KHDRBS3: variants seen among roughly 807,000 people sequenced by gnomAD.
KHDRBS3 encodes KH domain-containing, RNA-binding, signal transduction-associated protein 3.
In KHDRBS3, 23 loss-of-function variants were observed where a neutral mutation model predicts 45.6. The observed-to-expected ratio is 0.50, with a 90% CI of 0.36 to 0.72. The LOEUF (loss-of-function observed/expected upper bound fraction) is 0.72. Ranked by LOEUF, KHDRBS3 falls within the 30% of genes least tolerant of loss-of-function variation. KHDRBS3 has a pLI of 0.00. For missense variants in KHDRBS3, 352 were observed against 424.8 expected (o/e 0.83, Z 1.51); for synonymous variants, 162 against 156.5 (o/e 1.04, Z -0.26).
intron 3 of KHDRBS3, among the ~76,000 whole-genome samples, 199 bp from the exon 4 acceptor site, chr8:135,548,555 A>T (rs528574392): frequency 1.3e-5 from 2 of 152,266 alleles, no homozygotes; most frequent in African/African-American, 4.8e-5. Context: ...GAAGCCTTTG[A>T]GTGTGTGTAA....
intron 7 of KHDRBS3, among the ~76,000 whole-genome samples, chr8:135,638,296 G>T (rs1170033940): frequency 6.6e-6 from 1 of 152,110 alleles, no homozygotes; most frequent in Non-Finnish European, 1.5e-5. Context: ...CCAAACCTCG[G>T]GTAGTCCCAC....
chr8:135,581,994 C>G lies in KHDRBS3; in HGVS notation c.728C>G (p.Thr243Ser). ...GPVSRGRGLL[T>S]PRARGVPPTG... ...GTGAGTCGGGGAAGAGGACTTCTCA[C>G]TCCCAGAGCAAGAGGAGTCCCCCCA... The change falls in exon 6 of 9, where the codon ACT becomes AGT. Residue 243 changes from threonine (T) to serine (S), a missense_variant. By Grantham distance (58) the Thr-to-Ser change is moderately conservative. Around this residue, in one of 6 missense-constraint regions of KHDRBS3, gnomAD observed 212 missense variants for 209.6 expected, o/e 1.01. Transcript: ENST00000355849. 1 of 1,613,222 alleles carries G rather than the reference C, an allele frequency of 6.2e-7. No homozygotes were observed. The highest frequency in any genetic ancestry group is 8.5e-7 in the Non-Finnish European group (1 of 1,179,572).
chr8:135,574,965 G>T (rs1441414489), intron 5 of KHDRBS3, among the ~76,000 whole-genome samples: 1 of 152,176 alleles, frequency 6.6e-6, no homozygotes, highest in Non-Finnish European at 1.5e-5. Context: ...GACCTGGACA[G>T]TTCAGACCCT....
At chr8:135,593,562 C>T (rs1828843585) in intron 6 of KHDRBS3, among the ~76,000 whole-genome samples, 2 of 152,158 alleles carry the variant, frequency 1.3e-5, no homozygotes, top group Non-Finnish European at 2.9e-5. Context: ...ACTGCAGTCT[C>T]AACATCCTGG....
intron 2 of KHDRBS3, among the ~76,000 whole-genome samples, chr8:135,526,410 A>G (rs1047376052): frequency 2.9e-4 from 44 of 152,246 alleles, no homozygotes; most frequent in African/African-American, 9.6e-4. Flanking sequence ...AGTACTTACA[A>G]TGTCTGAAGT....
Position 135,607,829 on chromosome 8 carries a change from C to T in KHDRBS3, c.890+792C>T, listed in dbSNP as rs1015238502. On this transcript the variant is annotated intron_variant, in intron 7 of 8. Transcript: ENST00000355849. ...AATTCACTTTTGAACTCGTCCAGTG[C>T]CAGTCAAGCTTTGCACACATAGGTT... is the stretch of plus-strand genomic sequence containing the variant. Among the ~76,000 whole-genome samples, 64 of 152,168 alleles carry T rather than the reference C, an allele frequency of 4.2e-4. 1 individual carries two copies. The highest frequency in any genetic ancestry group is 1.5e-3 in the African/African-American group (63 of 41,466).
At chr8:135,546,864 A>G (rs1390770288) in intron 3 of KHDRBS3, among the ~76,000 whole-genome samples, 1 of 152,164 alleles carries the variant, frequency 6.6e-6, no homozygotes, top group East Asian at 1.9e-4. Context: ...TAGTTTGGTA[A>G]TAACTCCCCT....
intron 6 of KHDRBS3, among the ~76,000 whole-genome samples, chr8:135,587,300 T>C (rs936010143): frequency 6.6e-6 from 1 of 152,216 alleles, no homozygotes; most frequent in African/African-American, 2.4e-5. Context: ...ATACATCTAT[T>C]TGACTTTGTG....
chr8:135,472,854 CAG>C (rs1377039483), intron 1 of KHDRBS3, among the ~76,000 whole-genome samples: 3 of 152,072 alleles, frequency 2.0e-5, no homozygotes, highest in African/African-American at 7.2e-5. Flanking sequence ...TGAGATCACT[CAG>C]GGAGTGTGTG....
chr8:135,506,097 G>T (rs1300603894), intron 1 of KHDRBS3, among the ~76,000 whole-genome samples: 1 of 152,186 alleles, frequency 6.6e-6, no homozygotes. Context: ...GGAAATGAAA[G>T]ATGACTTCCA....
intron 6 of KHDRBS3, among the ~76,000 whole-genome samples, chr8:135,594,574 GATAA>G (rs1828891074): frequency 6.6e-6 from 1 of 152,152 alleles, no homozygotes. Context: ...CATTAAAGGT[GATAA>G]ATAATTTGTT....
chr8:135,511,926 T>A (rs1386246757), intron 1 of KHDRBS3, among the ~76,000 whole-genome samples: 2 of 152,218 alleles, frequency 1.3e-5, no homozygotes, highest in Non-Finnish European at 2.9e-5. Flanking sequence ...TGTTTCTTTC[T>A]CCCTAGATGG....
chr8:135,527,133 A>G (rs1446741705), intron 2 of KHDRBS3, among the ~76,000 whole-genome samples: 1 of 152,084 alleles, frequency 6.6e-6, no homozygotes, highest in Admixed American at 6.6e-5. Flanking sequence ...GTCTATACCT[A>G]GCATTTATAA....
At chr8:135,629,323 TA>T (rs1252869184) in intron 7 of KHDRBS3, among the ~76,000 whole-genome samples, 9 of 152,246 alleles carry the variant, frequency 5.9e-5, no homozygotes, top group Non-Finnish European at 1.3e-4. Flanking sequence ...GTGTTTTGTG[TA>T]GGTGAACTCA....
chr8:135,497,490 TATCACAAGC>T (rs1474123215), intron 1 of KHDRBS3, among the ~76,000 whole-genome samples: 3 of 152,154 alleles, frequency 2.0e-5, no homozygotes, highest in African/African-American at 4.8e-5. Flanking sequence ...TATTACCTTT[TATCACAAGC>T]ATCACAAGCA....
rs1225783815 is a variant in KHDRBS3 at position 135,536,987 on chromosome 8, A to G, written c.208-5667A>G. Among the ~76,000 whole-genome samples the G allele has an allele frequency of 2.6e-3, 144 of 55,546 alleles. 18 individuals carry two copies. The highest frequency in any genetic ancestry group is 8.6e-3 in the South Asian group (11 of 1,276). 36.4% of individuals were successfully genotyped at this position (55,546 alleles called of 152,430 possible). Reference sequence around the variant, plus strand: ...ATCTCAAAAAAAAAAAAAAAAAAAAAAAAAAAAAAAGGAGATGTTTAGGAG... The same window carrying G: ...ATCTCAAAAAAAAAAAAAAAAAAAAGAAAAAAAAAAGGAGATGTTTAGGAG... On this transcript the variant is annotated intron_variant, in intron 2 of 8. Coordinates refer to ENST00000355849, the MANE Select transcript of KHDRBS3 (RefSeq NM_006558.3).
In KHDRBS3 at chr8:135,647,249, A is replaced by AT; in HGVS notation, c.*165_*166insT. On this transcript the variant is annotated 3_prime_UTR_variant, in exon 9 of 9. Coordinates refer to ENST00000355849, the MANE Select transcript of KHDRBS3 (RefSeq NM_006558.3). Reference sequence around the variant, plus strand: ...GTTGAAACATCAACCTGGGCAGAAAAAAAAAAAAAAAGACATGTAAAATTT... The same window carrying AT: ...GTTGAAACATCAACCTGGGCAGAAAATAAAAAAAAAAAGACATGTAAAATTT... The AT allele has an allele frequency of 2.6e-6, 1 of 391,644 alleles. No homozygotes were observed. Among genetic ancestry groups the AT allele is most frequent in the African/African-American group, 2.1e-5 (1 of 48,336 alleles). 24.3% of individuals were successfully genotyped at this position (391,644 alleles called of 1,614,324 possible).
chr8:135,526,933 G>GT lies in KHDRBS3; in HGVS notation c.207+5590dup, dbSNP rs1164105316. On this transcript the variant is annotated intron_variant, in intron 2 of 8. Coordinates refer to ENST00000355849, the MANE Select transcript of KHDRBS3 (RefSeq NM_006558.3). ...AAGCTATGGAAATTGTTCTCCATGG[G>GT]TTTTTTTTTTTTGCAGATAAACCTT... Among the ~76,000 whole-genome samples, 919 of 143,024 alleles carry GT rather than the reference G, an allele frequency of 6.4e-3. 2 individuals are homozygous for GT. The highest frequency in any genetic ancestry group is 0.011 in the African/African-American group (412 of 39,070). The allele number at this position is 143,024 out of a possible 152,430, so 93.8% of individuals were successfully genotyped here.
intron 1 of KHDRBS3, among the ~76,000 whole-genome samples, chr8:135,463,294 T>C (rs1342938596): frequency 6.6e-6 from 1 of 152,118 alleles, no homozygotes; most frequent in East Asian, 1.9e-4. Flanking sequence ...AATCAGAAAG[T>C]ATATTTGGAA....
Sources: allele counts gnomAD v4.1 joint callset (sites outside exome capture counted in the v4.1 genomes callset), GRCh38; gene constraint gnomAD v4.1.1; regional missense constraint gnomAD v4.1.1; transcripts MANE v1.5; gene names NCBI Gene and HGNC (gene_info 2026-07-23, HGNC 2026-07-21).